Variants in SEMA3C observed in about 807,000 individuals in gnomAD.
SEMA3C encodes the protein semaphorin-3C.
A neutral mutation model predicts 89.4 loss-of-function variants in SEMA3C; 47 were observed. The ratio of observed to expected loss-of-function variants is 0.53; its 90% CI spans 0.42 to 0.67. The LOEUF (loss-of-function observed/expected upper bound fraction) is 0.67. SEMA3C is among the 30% of genes least tolerant of loss of function. SEMA3C has a pLI of 0.00. For missense variants in SEMA3C, 839 were observed against 929.1 expected (o/e 0.90, Z 1.26); for synonymous variants, 310 against 320.2 (o/e 0.97, Z 0.34).
chr7:80,903,328 T>A (rs1374941428), intron 2 of SEMA3C, among the ~76,000 whole-genome samples: 8 of 152,140 alleles, frequency 5.3e-5, no homozygotes, highest in African/African-American at 1.9e-4. Context: ...TATCCAAACA[T>A]ATCTAAACAT....
chr7:80,802,056 G>C (rs1189080990), intron 9 of SEMA3C, among the ~76,000 whole-genome samples: 1 of 152,054 alleles, frequency 6.6e-6, no homozygotes, highest in Non-Finnish European at 1.5e-5. Flanking sequence ...TAGTAAATAT[G>C]ATGTGCCCTG....
At chr7:80,893,652 TA>T (rs1262631040) in intron 2 of SEMA3C, among the ~76,000 whole-genome samples, 1 of 152,128 alleles carries the variant, frequency 6.6e-6, no homozygotes, top group East Asian at 1.9e-4. Context: ...TTATTTTATT[TA>T]AGGGAAATAT....
intron 12 of SEMA3C, among the ~76,000 whole-genome samples, chr7:80,769,285 A>T (rs1321595821): frequency 2.0e-5 from 3 of 152,196 alleles, no homozygotes; most frequent in Non-Finnish European, 4.4e-5. Context: ...CCCTATGAAA[A>T]GAGACTGAGT....
At chr7:80,829,285 G>A (rs756899193) in intron 2 of SEMA3C, among the ~76,000 whole-genome samples, 4 of 152,048 alleles carry the variant, frequency 2.6e-5, no homozygotes, top group Admixed American at 6.6e-5. Context: ...AATCAGTCAC[G>A]TTTGCAATAA....
At chr7:80,871,311 A>G (rs185511809) in intron 2 of SEMA3C, among the ~76,000 whole-genome samples, 56 of 152,288 alleles carry the variant, frequency 3.7e-4, no homozygotes, top group African/African-American at 1.3e-3. Flanking sequence ...CACAATTTTA[A>G]TCCTGTTACT....
At chr7:80,863,856 C>CACATATCACATATATATGTATCACATAT (rs1562911996) in intron 2 of SEMA3C, among the ~76,000 whole-genome samples, 1 of 136,742 alleles carries the variant, frequency 7.3e-6, no homozygotes, top group East Asian at 2.4e-4. Flanking sequence ...ATATCACATA[C>CACATATCACATATATATGTATCACATAT]ATATGTATCA....
intron 2 of SEMA3C, among the ~76,000 whole-genome samples, chr7:80,831,771 G>C (rs990842162): frequency 6.6e-6 from 1 of 152,096 alleles, no homozygotes; most frequent in African/African-American, 2.4e-5. Flanking sequence ...CTAAAACAAA[G>C]AATTTGGAAT....
rs2115660898 is a variant in SEMA3C at position 80,800,844 on chromosome 7, T to C, written c.917-18A>G. On this transcript the variant is annotated intron_variant, in intron 9 of 17. Coordinates refer to ENST00000265361, the MANE Select transcript of SEMA3C (RefSeq NM_006379.5). ...CACATCCTCTATAAAAAGGAAAATA[T>C]TCTTTTAAAGTTTCTAAATATTAAC... 6.8e-7 allele frequency: 1 copy of C among 1,476,464 alleles called. No homozygotes were observed. Among genetic ancestry groups the C allele is most frequent in the Non-Finnish European group, 9.0e-7 (1 of 1,108,660 alleles). 91.5% of individuals were successfully genotyped at this position (1,476,464 alleles called of 1,614,324 possible).
chr7:80,798,352 A>T (rs1789117205), intron 10 of SEMA3C, 116 bp from the exon 11 acceptor site: 1 of 929,326 alleles, frequency 1.1e-6, no homozygotes, highest in Non-Finnish European at 1.5e-6. Flanking sequence ...AGAAAAGTTA[A>T]ATGTTATCGA....
chr7:80,749,920 A>G (rs1185632952), intron 16 of SEMA3C, among the ~76,000 whole-genome samples: 1 of 152,168 alleles, frequency 6.6e-6, no homozygotes, highest in African/African-American at 2.4e-5. Flanking sequence ...TACCACTATG[A>G]CAACTACTAC....
At chr7:80,864,942 A>G (rs1457195768) in intron 2 of SEMA3C, among the ~76,000 whole-genome samples, 1 of 151,916 alleles carries the variant, frequency 6.6e-6, no homozygotes, top group Non-Finnish European at 1.5e-5. Flanking sequence ...ACTTCCTCTC[A>G]TTGTTTTTCC....
In SEMA3C at chr7:80,823,802, A is replaced by G. The variant is rs567008322; in HGVS notation, c.327+3623T>C. On this transcript the variant is annotated intron_variant, in intron 4 of 17. Transcript: ENST00000265361. ...TTACATAGTACATCCATTAAGCCCT[A>G]TTTCATGGATATGTTTGACAGCATG... Among the ~76,000 whole-genome samples the G allele has an allele frequency of 2.0e-5, 3 of 152,154 alleles. No individual in the cohort carries two copies. The South Asian group carries it at 6.2e-4, about 32-fold the overall frequency.
intron 1 of SEMA3C, among the ~76,000 whole-genome samples, chr7:80,917,356 T>C (rs1165424927): frequency 1.3e-5 from 2 of 152,200 alleles, no homozygotes; most frequent in Non-Finnish European, 2.9e-5. Context: ...CCTGGATCAC[T>C]GAAGTCACTG....
At chr7:80,919,556 T>A (rs1306891612), upstream of SEMA3C, among the ~76,000 whole-genome samples, 5 of 94,338 alleles carry the variant, frequency 5.3e-5, no homozygotes, top group Non-Finnish European at 1.1e-4. Context: ...CTTATTCTGC[T>A]GCGTTTTTTT....
chr7:80,829,426 A>C lies in SEMA3C; in HGVS notation c.104-681T>G, dbSNP rs143743881. ...CAGTGTGATTGTCTTCTTATCCTCT[A>C]TTAATGTTTTATTTTTGGACTCTAT... On this transcript the variant is annotated intron_variant, in intron 2 of 17. Coordinates refer to ENST00000265361, the MANE Select transcript of SEMA3C (RefSeq NM_006379.5). 7.3e-3 allele frequency among the ~76,000 whole-genome samples: 1,104 copies of C among 152,224 alleles called. 14 individuals are homozygous for C. Among genetic ancestry groups the C allele is most frequent in the African/African-American group, 0.024 (992 of 41,534 alleles).
chr7:80,799,144 G>T (rs1454470259), intron 10 of SEMA3C, among the ~76,000 whole-genome samples: 1 of 152,090 alleles, frequency 6.6e-6, no homozygotes, highest in Non-Finnish European at 1.5e-5. Flanking sequence ...AGACTACTTA[G>T]AACAGGAGTT....
chr7:80,839,217 T>C lies in SEMA3C; in HGVS notation c.104-10472A>G, dbSNP rs1321159927. Among the ~76,000 whole-genome samples, 3 of 152,268 alleles carry C rather than the reference T, an allele frequency of 2.0e-5. No homozygotes were observed. The East Asian group carries it at 5.8e-4, about 29-fold the overall frequency. ...AACACAGATGAGCTATCAGTATCAA[T>C]GATATTCATACTTCTAGGAAGGCCT... On this transcript the variant is annotated intron_variant, in intron 2 of 17. Coordinates refer to ENST00000265361, the MANE Select transcript of SEMA3C (RefSeq NM_006379.5).
intron 2 of SEMA3C, among the ~76,000 whole-genome samples, chr7:80,874,589 C>G (rs183801035): frequency 2.2e-3 from 329 of 152,042 alleles, no homozygotes; most frequent in African/African-American, 7.4e-3. Context: ...GCCTCAGCCT[C>G]CCAAGTACCT....
chr7:80,767,067 A>T (rs1788321407), intron 12 of SEMA3C, among the ~76,000 whole-genome samples: 1 of 152,190 alleles, frequency 6.6e-6, no homozygotes, highest in Non-Finnish European at 1.5e-5. Context: ...TGATCTCTCA[A>T]GTCGCACAAC....
Sources: gnomAD v4.1 joint callset for allele counts (sites outside exome capture counted in the v4.1 genomes callset) on GRCh38, gnomAD v4.1.1 for gene constraint, MANE v1.5 for transcripts, NCBI Gene and HGNC (gene_info 2026-07-23, HGNC 2026-07-21) for gene names.